The following BAZ2B variants were observed in gnomAD, a reference collection of about 807,000 sequenced individuals.
BAZ2B encodes bromodomain adjacent to zinc finger domain 2B.
A neutral mutation model predicts 246.0 loss-of-function variants in BAZ2B; 91 were observed. The ratio of observed to expected loss-of-function variants is 0.37; its 90% CI spans 0.31 to 0.44. The LOEUF is 0.44. Ranked by LOEUF, BAZ2B falls within the 20% of genes least tolerant of loss-of-function variation. BAZ2B has a pLI of 1.00. For missense variants in BAZ2B, 2,332 were observed against 2,533.7 expected (o/e 0.92, Z 1.71); for synonymous variants, 855 against 860.0 (o/e 0.99, Z 0.10).
chr2:159,332,415 A>G, intron 34 of BAZ2B, 125 bp downstream of exon 34: 1 of 903,950 alleles, frequency 1.1e-6, no homozygotes, highest in Non-Finnish European at 1.6e-6. Flanking sequence ...TGAGCCCAGG[A>G]GTTTTAGGCT....
At chr2:159,690,165 G>A in the BAZ2B span, 1 of 470,918 alleles carries the variant, frequency 2.1e-6, no homozygotes, top group South Asian at 2.1e-5. Flanking sequence ...TTGGTTCCTT[G>A]GATCCTGGTG....
intron 25 of BAZ2B, among the ~76,000 whole-genome samples, chr2:159,378,724 G>T (rs2061671044): frequency 6.6e-6 from 1 of 152,108 alleles, no homozygotes; most frequent in Non-Finnish European, 1.5e-5. Context: ...TCAGGGAAAT[G>T]TAAAATCAAA....
the BAZ2B span, among the ~76,000 whole-genome samples, chr2:159,696,644 G>C: frequency 6.6e-6 from 1 of 152,134 alleles, no homozygotes; most frequent in African/African-American, 2.4e-5. Flanking sequence ...GATCACCCTT[G>C]CTTTCCACCA....
At chr2:159,386,256 A>T in intron 22 of BAZ2B, 97 bp downstream of exon 22, 3 of 1,276,086 alleles carry the variant, frequency 2.4e-6, no homozygotes, top group Non-Finnish European at 3.1e-6. Flanking sequence ...TGGAAAAATT[A>T]GATCAATCTA....
chr2:159,368,858 T>TAAA (rs58161936), intron 27 of BAZ2B, among the ~76,000 whole-genome samples: 15 of 123,870 alleles, frequency 1.2e-4, no homozygotes, highest in African/African-American at 4.8e-4. Context: ...CTGAAAGGCC[T>TAAA]AAAAAAAAAA....
At chr2:159,545,747 A>C (rs952856323) in intron 2 of BAZ2B, among the ~76,000 whole-genome samples, 1 of 152,204 alleles carries the variant, frequency 6.6e-6, no homozygotes, top group Non-Finnish European at 1.5e-5. Flanking sequence ...TCTAATAGGT[A>C]AAACAACTGA....
intron 11 of BAZ2B, 42 bp downstream of exon 11, chr2:159,429,158 T>C: frequency 2.2e-6 from 3 of 1,357,572 alleles, no homozygotes; most frequent in Non-Finnish European, 3.0e-6. Flanking sequence ...CTTGCATAAA[T>C]ATATGGGGGA....
intron 27 of BAZ2B, among the ~76,000 whole-genome samples, chr2:159,355,086 C>T (rs1030441534): frequency 6.6e-6 from 1 of 152,184 alleles, no homozygotes; most frequent in Non-Finnish European, 1.5e-5. Flanking sequence ...TTTCCTTTGG[C>T]TCCCCTTAGT....
chr2:159,354,549 C>T (rs967019613), intron 27 of BAZ2B, among the ~76,000 whole-genome samples: 6 of 152,026 alleles, frequency 3.9e-5, no homozygotes, highest in Non-Finnish European at 7.4e-5. Flanking sequence ...TGAGGTTTTA[C>T]CATGGTGGTC....
intron 16 of BAZ2B, chr2:159,404,579 T>C (rs967119430): frequency 4.5e-5 from 14 of 310,886 alleles, no homozygotes; most frequent in Non-Finnish European, 7.5e-5. Flanking sequence ...CTGAAAATTG[T>C]TCAAGATATC....
intron 34 of BAZ2B, among the ~76,000 whole-genome samples, chr2:159,331,541 A>T (rs2064788711): frequency 6.6e-6 from 1 of 152,060 alleles, no homozygotes. Flanking sequence ...TTGCCTGGCT[A>T]AAATTTTGTA....
At chr2:159,344,534 C>CAA (rs35387556) in intron 31 of BAZ2B, among the ~76,000 whole-genome samples, 49,146 of 137,688 alleles carry the variant, frequency 0.36, 11,413 homozygotes, top group Non-Finnish European at 0.53. Flanking sequence ...AACTCCGTCT[C>CAA]AAAAAAAAAA....
chr2:159,440,517 GT>G (rs34338793), intron 6 of BAZ2B, among the ~76,000 whole-genome samples: 24,818 of 138,446 alleles, frequency 0.18, 2,427 homozygotes, highest in Admixed American at 0.38. Flanking sequence ...AATGACTCTT[GT>G]TTTTTTTTTT....
At chr2:159,406,203 T>G (rs901587831) in intron 14 of BAZ2B, among the ~76,000 whole-genome samples, 1 of 152,228 alleles carries the variant, frequency 6.6e-6, no homozygotes, top group African/African-American at 2.4e-5. Flanking sequence ...TTAGCAGTTG[T>G]GATGAAAACA....
chr2:159,584,126 GGT>G (rs1491348399), intron 1 of BAZ2B, among the ~76,000 whole-genome samples: 39 of 124,110 alleles, frequency 3.1e-4, no homozygotes, highest in African/African-American at 1.2e-3. Flanking sequence ...TCTGATTTAG[GGT>G]TTTTTTTTTT....
chr2:159,683,446 CAT>C, the BAZ2B span, among the ~76,000 whole-genome samples: 1 of 152,182 alleles, frequency 6.6e-6, no homozygotes, highest in African/African-American at 2.4e-5. Context: ...AAAACAAACA[CAT>C]AGAGTCATAA....
chr2:159,677,541 G>C, the BAZ2B span, among the ~76,000 whole-genome samples: 1 of 152,058 alleles, frequency 6.6e-6, no homozygotes, highest in Non-Finnish European at 1.5e-5. Context: ...GAAAAAAATT[G>C]CTCTGTGTCT....
At chr2:159,519,811 TGGCC>T (rs2083932939) in intron 2 of BAZ2B, among the ~76,000 whole-genome samples, 2 of 136,210 alleles carry the variant, frequency 1.5e-5, no homozygotes, top group African/African-American at 2.7e-5. Context: ...TAGCTGAGAC[TGGCC>T]AAGGGACCTT....
chr2:159,386,673 A>AAT, intron 21 of BAZ2B, 66 bp from the exon 22 acceptor site: 3 of 1,449,802 alleles, frequency 2.1e-6, no homozygotes, highest in Non-Finnish European at 2.7e-6. Flanking sequence ...ATGATTTCGT[A>AAT]TCTTCTAAAG....
Sources: gnomAD v4.1 joint callset for allele counts (sites outside exome capture counted in the v4.1 genomes callset) on GRCh38, gnomAD v4.1.1 for gene constraint, MANE v1.5 for transcripts, NCBI Gene and HGNC (gene_info 2026-07-23, HGNC 2026-07-21) for gene names.